SPIDR: variants seen among roughly 807,000 people sequenced by gnomAD.
The protein encoded by SPIDR is DNA repair-scaffolding protein.
SPIDR carries 93 observed loss-of-function variants against 104.6 expected under a neutral mutation model. That is an observed-to-expected ratio of 0.89 (90% CI 0.75 to 1.06). The LOEUF is 1.06. Ranked by LOEUF, SPIDR falls within the 50% of genes least tolerant of loss-of-function variation. The probability of loss-of-function intolerance (pLI) is 0.00; values close to 1 mark genes in which losing one functional copy is unlikely to be tolerated. For missense variants in SPIDR, 1,154 were observed against 1,111.2 expected, an observed-to-expected ratio of 1.04 and a Z score of -0.55; for synonymous variants, 431 against 416.9, an observed-to-expected ratio of 1.03 and a Z score of -0.41.
At chr8:47,303,420 C>T (rs943604316) in intron 5 of SPIDR, among the ~76,000 whole-genome samples, 5 of 152,182 alleles carry the variant, frequency 3.3e-5, no homozygotes, top group Admixed American at 1.3e-4. Flanking sequence ...CGCCCTGCTT[C>T]GGCTTACGCT....
intron 8 of SPIDR, among the ~76,000 whole-genome samples, chr8:47,520,632 A>G (rs1460869887): frequency 6.6e-6 from 1 of 152,216 alleles, no homozygotes; most frequent in Non-Finnish European, 1.5e-5. Flanking sequence ...ACTGTATTTA[A>G]TGCTTTGTGT....
intron 5 of SPIDR, among the ~76,000 whole-genome samples, chr8:47,383,058 G>A (rs1554646417): frequency 6.6e-6 from 1 of 152,132 alleles, no homozygotes; most frequent in Non-Finnish European, 1.5e-5. Flanking sequence ...AAATGCCCCC[G>A]AACTGTTGGA....
intron 8 of SPIDR, chr8:47,546,821 G>A (rs2089474669): frequency 3.9e-6 from 1 of 257,782 alleles, no homozygotes; most frequent in Non-Finnish European, 7.7e-6. Flanking sequence ...GCTGTGTTTG[G>A]CTGCCAGTCT....
chr8:47,598,814 C>A, intron 9 of SPIDR, 132 bp from the exon 10 acceptor site: 1 of 1,181,276 alleles, frequency 8.5e-7, no homozygotes, highest in Non-Finnish European at 1.2e-6. Context: ...TTCATCATCA[C>A]TTCAGTGTAG....
intron 1 of SPIDR, among the ~76,000 whole-genome samples, chr8:47,266,204 A>T (rs1554546608): frequency 2.8e-5 from 4 of 143,836 alleles, no homozygotes; most frequent in Non-Finnish European, 1.5e-5. Context: ...ATCTCGGCTC[A>T]CTGCAACTTT....
chr8:47,336,624 G>C (rs1462213848), intron 5 of SPIDR, among the ~76,000 whole-genome samples: 1 of 152,182 alleles, frequency 6.6e-6, no homozygotes, highest in African/African-American at 2.4e-5. Flanking sequence ...TTTGAGAGCA[G>C]AAGGTCATTT....
chr8:47,485,664 G>T (rs1280260596), intron 8 of SPIDR, among the ~76,000 whole-genome samples: 3 of 152,216 alleles, frequency 2.0e-5, no homozygotes, highest in Non-Finnish European at 4.4e-5. Flanking sequence ...AGCTTCCAGA[G>T]GAACGATCAG....
intron 1 of SPIDR, among the ~76,000 whole-genome samples, chr8:47,276,538 C>G (rs1356730521): frequency 6.6e-6 from 1 of 151,166 alleles, no homozygotes; most frequent in East Asian, 1.9e-4. Context: ...ATAATGTGGA[C>G]AAATACAGTA....
intron 7 of SPIDR, among the ~76,000 whole-genome samples, chr8:47,436,022 G>A (rs1319599162): frequency 1.3e-5 from 2 of 152,130 alleles, no homozygotes; most frequent in African/African-American, 2.4e-5. Context: ...TACCTATTTC[G>A]TAGGGTTGTT....
intron 7 of SPIDR, among the ~76,000 whole-genome samples, chr8:47,433,384 C>G (rs2067695063): frequency 6.6e-6 from 1 of 152,184 alleles, no homozygotes; most frequent in Non-Finnish European, 1.5e-5. Context: ...AGGAAACACC[C>G]TGGTTCACAC....
At chr8:47,454,342 C>G (rs2072513608) in intron 8 of SPIDR, among the ~76,000 whole-genome samples, 2 of 152,014 alleles carry the variant, frequency 1.3e-5, no homozygotes, top group Non-Finnish European at 2.9e-5. Flanking sequence ...ATGAATGAAG[C>G]TGGAAGCCAT....
At chr8:47,374,992 T>C (rs1554641433) in intron 5 of SPIDR, among the ~76,000 whole-genome samples, 1 of 150,554 alleles carries the variant, frequency 6.6e-6, no homozygotes, top group Non-Finnish European at 1.5e-5. Context: ...GCAGTGGAGG[T>C]TGCAGTGAGC....
chr8:47,480,524 C>T (rs1320924959), intron 8 of SPIDR, among the ~76,000 whole-genome samples: 2 of 152,184 alleles, frequency 1.3e-5, no homozygotes, highest in Non-Finnish European at 2.9e-5. Flanking sequence ...AAGCATTCTG[C>T]ACTAATAGAT....
intron 10 of SPIDR, among the ~76,000 whole-genome samples, chr8:47,662,246 G>T (rs1233896786): frequency 6.6e-6 from 1 of 152,194 alleles, no homozygotes; most frequent in Non-Finnish European, 1.5e-5. Flanking sequence ...GACCAGGCGT[G>T]GAGGGGAGGG....
At chr8:47,420,484 C>G (rs2065231440) in intron 7 of SPIDR, among the ~76,000 whole-genome samples, 1 of 152,120 alleles carries the variant, frequency 6.6e-6, no homozygotes, top group Non-Finnish European at 1.5e-5. Context: ...TTCCTCCATC[C>G]TTTTATTTTG....
At position 47,578,724 on chromosome 8, in the gene SPIDR, C is replaced by G. The variant is rs368243563; in HGVS notation, c.1098-17087C>G. On this transcript the variant is annotated intron_variant, in intron 8 of 19. Coordinates refer to ENST00000297423, the MANE Select transcript of SPIDR (RefSeq NM_001080394.4). ...ATTTATTTACTATATTGTTCACTTT[C>G]ATACATGAATAAATCATATAAAATA... Among the ~76,000 whole-genome samples the G allele has an allele frequency of 2.2e-3, 336 of 152,276 alleles. 3 individuals are homozygous for G. The highest frequency in any genetic ancestry group is 0.021 in the South Asian group (99 of 4,826).
chr8:47,562,839 C>T (rs776746385), intron 8 of SPIDR, among the ~76,000 whole-genome samples: 3 of 152,158 alleles, frequency 2.0e-5, no homozygotes, highest in African/African-American at 7.2e-5. Flanking sequence ...CCAAACTTCA[C>T]CCCTCCAGCT....
chr8:47,280,075 A>G (rs2037405944), intron 2 of SPIDR, 58 bp downstream of exon 2: 1 of 1,532,062 alleles, frequency 6.5e-7, no homozygotes, highest in Admixed American at 1.8e-5. Flanking sequence ...CTGAGTGTTC[A>G]GAACATTGTA....
At chr8:47,511,841 T>C in intron 8 of SPIDR, 1 of 874,396 alleles carries the variant, frequency 1.1e-6, no homozygotes, top group African/African-American at 1.6e-5. Context: ...TGCTGTCCAC[T>C]TCTCTCTGAG....
Sources: allele counts gnomAD v4.1 joint callset (sites outside exome capture counted in the v4.1 genomes callset), GRCh38; gene constraint gnomAD v4.1.1; transcripts MANE v1.5; gene names NCBI Gene and HGNC (gene_info 2026-07-23, HGNC 2026-07-21).